IMPG1: variants seen among roughly 807,000 people sequenced by gnomAD.
IMPG1 encodes interphotoreceptor matrix proteoglycan 1.
Under a neutral mutation model 92.0 loss-of-function variants are expected in IMPG1, and 85 were observed. That is an observed-to-expected ratio of 0.92 (90% CI 0.78 to 1.11). The LOEUF (loss-of-function observed/expected upper bound fraction) is 1.11. IMPG1 is among the 50% of genes least tolerant of loss of function. The probability of loss-of-function intolerance (pLI) is 0.00; values close to 1 mark genes in which losing one functional copy is unlikely to be tolerated. For missense variants in IMPG1, 1,022 were observed against 956.0 expected, an observed-to-expected ratio of 1.07 and a Z score of -0.91; for synonymous variants, 367 against 334.1, an observed-to-expected ratio of 1.10 and a Z score of -1.08.
intron 12 of IMPG1, among the ~76,000 whole-genome samples, chr6:75,964,337 A>G (rs562453389): frequency 6.6e-6 from 1 of 151,496 alleles, no homozygotes; most frequent in Non-Finnish European, 1.5e-5. Flanking sequence ...TTGTCTACAT[A>G]CAATGATTAA....
intron 12 of IMPG1, among the ~76,000 whole-genome samples, chr6:75,995,545 G>A (rs564628240): frequency 3.9e-5 from 6 of 152,112 alleles, no homozygotes; most frequent in South Asian, 4.2e-4. Flanking sequence ...CCTTCTTGTC[G>A]TTCAGATCTC....
At chr6:75,928,104 A>T (rs59560341) in intron 15 of IMPG1, among the ~76,000 whole-genome samples, 1 of 151,982 alleles carries the variant, frequency 6.6e-6, no homozygotes, top group African/African-American at 2.4e-5. Context: ...AACGGAATAC[A>T]TTCCTGTTCA....
intron 3 of IMPG1, 84 bp from the exon 4 acceptor site, chr6:76,034,427 C>T: frequency 7.5e-7 from 1 of 1,338,548 alleles, no homozygotes; most frequent in South Asian, 1.2e-5. Flanking sequence ...TTCCCTTCTC[C>T]CTTAACCTAC....
Position 76,033,943 on chromosome 6 carries a change from G to T in IMPG1, c.497+372C>A, listed in dbSNP as rs184540360. 1.4e-3 allele frequency among the ~76,000 whole-genome samples: 211 copies of T among 152,180 alleles called. 3 individuals carry two copies. Among genetic ancestry groups the T allele is most frequent in the Admixed American group, 0.012 (186 of 15,286 alleles). On this transcript the variant is annotated intron_variant, in intron 4 of 16. Coordinates refer to ENST00000369950, the MANE Select transcript of IMPG1 (RefSeq NM_001563.4). ...CAAATGAGAGTTCAAAATTCAAGTT[G>T]TTCTTTGATTGTATTAAATATTTTC... is the stretch of plus-strand genomic sequence containing the variant.
chr6:75,976,608 C>T (rs1019458663), intron 12 of IMPG1, among the ~76,000 whole-genome samples: 2 of 151,504 alleles, frequency 1.3e-5, no homozygotes, highest in Non-Finnish European at 2.9e-5. Flanking sequence ...ATTCTTTGTC[C>T]TGAGTGAATA....
At chr6:76,010,685 C>A (rs1783168717) in intron 8 of IMPG1, among the ~76,000 whole-genome samples, 1 of 152,174 alleles carries the variant, frequency 6.6e-6, no homozygotes, top group South Asian at 2.1e-4. Flanking sequence ...CCCCATTTTC[C>A]CAACTCTCCT....
chr6:76,024,360 A>G (rs911741352), intron 5 of IMPG1, among the ~76,000 whole-genome samples: 15 of 151,126 alleles, frequency 9.9e-5, no homozygotes, highest in African/African-American at 3.6e-4. Context: ...CACATTGCCC[A>G]GAGAATAGTT....
In IMPG1 at chr6:75,951,525, G is replaced by T. The variant is rs572803498; in HGVS notation, c.1292-431C>A. Among the ~76,000 whole-genome samples, 61 of 152,288 alleles carry T rather than the reference G, an allele frequency of 4.0e-4. 1 individual carries two copies. The highest frequency in any genetic ancestry group is 3.4e-3 in the Middle Eastern group (1 of 294). ...GTATAGAACTCCCAGACAACTAGGT[G>T]TGCAGTTTTGACCCAGAAATTTTAT... On this transcript the variant is annotated intron_variant, in intron 12 of 16. Transcript: ENST00000369950.
chr6:75,959,307 C>G (rs1782177173), intron 12 of IMPG1, among the ~76,000 whole-genome samples: 1 of 152,090 alleles, frequency 6.6e-6, no homozygotes, highest in South Asian at 2.1e-4. Flanking sequence ...TCTGTCGACC[C>G]CTGCTGGGAG....
chr6:75,955,135 T>C (rs1782096598), intron 12 of IMPG1, among the ~76,000 whole-genome samples: 2 of 152,208 alleles, frequency 1.3e-5, no homozygotes, highest in South Asian at 4.1e-4. Context: ...AGTGTTTTTT[T>C]CTAATTCTGT....
intron 12 of IMPG1, among the ~76,000 whole-genome samples, chr6:75,962,535 C>A (rs935430182): frequency 1.3e-5 from 2 of 152,016 alleles, no homozygotes; most frequent in Non-Finnish European, 2.9e-5. Context: ...GGAGAATAAA[C>A]CCAGAGGGAG....
intron 12 of IMPG1, among the ~76,000 whole-genome samples, chr6:75,980,906 T>C (rs1475242302): frequency 6.6e-6 from 1 of 152,212 alleles, no homozygotes; most frequent in Non-Finnish European, 1.5e-5. Context: ...TGCAAATTTG[T>C]CCTGACTCCA....
chr6:75,951,132 C>A, intron 12 of IMPG1, 38 bp from the exon 13 acceptor site: 1 of 1,463,122 alleles, frequency 6.8e-7, no homozygotes, highest in Non-Finnish European at 9.3e-7. Flanking sequence ...TCCAAGTATT[C>A]CCCAAAGAAT....
At chr6:75,983,494 T>A (rs1304949039) in intron 12 of IMPG1, among the ~76,000 whole-genome samples, 1 of 152,150 alleles carries the variant, frequency 6.6e-6, no homozygotes, top group East Asian at 1.9e-4. Context: ...GTCTCTTCAA[T>A]AAATGGTTTG....
At chr6:76,014,548 G>A (rs1181703781) in intron 7 of IMPG1, among the ~76,000 whole-genome samples, 2 of 152,174 alleles carry the variant, frequency 1.3e-5, no homozygotes, top group Admixed American at 6.5e-5. Context: ...AGGACAAACA[G>A]CTTTGGGGCC....
intron 8 of IMPG1, among the ~76,000 whole-genome samples, chr6:76,010,701 G>A (rs779459668): frequency 6.6e-5 from 10 of 152,122 alleles, no homozygotes; most frequent in Admixed American, 2.0e-4. Flanking sequence ...CTCCTACCTG[G>A]ATAGCTATGA....
At chr6:75,937,859 C>T (rs9341546) in intron 14 of IMPG1, among the ~76,000 whole-genome samples, 84,201 of 151,924 alleles carry the variant, frequency 0.55, 24,261 homozygotes, top group Non-Finnish European at 0.65. Context: ...TTTGAGGAGG[C>T]TTCTTAGGAA....
At chr6:75,963,071 T>C (rs1042437891) in intron 12 of IMPG1, among the ~76,000 whole-genome samples, 1 of 151,070 alleles carries the variant, frequency 6.6e-6, no homozygotes, top group Non-Finnish European at 1.5e-5. Flanking sequence ...ACAGAAAACA[T>C]TAACTCCAGG....
intron 12 of IMPG1, among the ~76,000 whole-genome samples, chr6:75,976,946 A>G (rs2149468088): frequency 6.6e-6 from 1 of 151,980 alleles, no homozygotes; most frequent in South Asian, 2.1e-4. Context: ...GAGTTTCAGA[A>G]TGTCATCAAT....
Sources: allele counts gnomAD v4.1 joint callset (sites outside exome capture counted in the v4.1 genomes callset), GRCh38; gene constraint gnomAD v4.1.1; transcripts MANE v1.5; gene names NCBI Gene and HGNC (gene_info 2026-07-23, HGNC 2026-07-21).